Variants in CNTN4 observed in about 807,000 individuals in gnomAD.
CNTN4 encodes contactin 4.
In CNTN4, 77 loss-of-function variants were observed where a neutral mutation model predicts 122.5. The observed-to-expected ratio is 0.63, with a 90% CI of 0.52 to 0.76. The LOEUF is 0.76. Among genes scored for constraint, CNTN4 ranks in the 30% least tolerant of loss-of-function variants. The probability of loss-of-function intolerance (pLI) is 0.00; values close to 1 mark genes in which losing one functional copy is unlikely to be tolerated. For missense variants in CNTN4, 1,256 were observed against 1,259.1 expected (o/e 1.00, Z 0.04); for synonymous variants, 512 against 447.0 (o/e 1.15, Z -1.83).
chr3:2,945,328 T>C (rs1260005936), intron 13 of CNTN4, among the ~76,000 whole-genome samples: 1 of 152,208 alleles, frequency 6.6e-6, no homozygotes, highest in Non-Finnish European at 1.5e-5. Flanking sequence ...GTTCAAAGCA[T>C]AAGTTGTAAT....
Position 2,544,313 on chromosome 3 carries a change from T to C in CNTN4, c.-88-27103T>C, listed in dbSNP as rs2078152797. 1.3e-5 allele frequency among the ~76,000 whole-genome samples: 2 copies of C among 152,064 alleles called. 1 individual carries two copies. The highest frequency in any genetic ancestry group is 4.1e-4 in the South Asian group (2 of 4,822). On this transcript the variant is annotated intron_variant, in intron 3 of 24. Coordinates refer to ENST00000418658, the MANE Select transcript of CNTN4 (RefSeq NM_175607.3). ...AGAACATGGGAAGAAAGATTGTTCTTCTGCAATCATAAGCAGACTGTGGCC... is the reference window on the plus strand; with the variant it reads ...AGAACATGGGAAGAAAGATTGTTCTCCTGCAATCATAAGCAGACTGTGGCC...
At chr3:2,933,315 G>A (rs1277277152) in intron 13 of CNTN4, among the ~76,000 whole-genome samples, 2 of 152,120 alleles carry the variant, frequency 1.3e-5, no homozygotes, top group East Asian at 1.9e-4. Context: ...GAGATTCAAC[G>A]GAATTTGGTT....
chr3:2,356,569 A>C (rs539609658), intron 3 of CNTN4, among the ~76,000 whole-genome samples: 11 of 152,350 alleles, frequency 7.2e-5, no homozygotes, highest in African/African-American at 2.4e-4. Flanking sequence ...GGTGGATTTC[A>C]GCCAGCTTCT....
intron 2 of CNTN4, among the ~76,000 whole-genome samples, chr3:2,311,234 C>A (rs1364329532): frequency 2.0e-5 from 3 of 152,222 alleles, no homozygotes; most frequent in Non-Finnish European, 4.4e-5. Flanking sequence ...ATAGTCTCTT[C>A]AGAAAGTAAA....
At chr3:2,950,142 A>G (rs950246732) in intron 13 of CNTN4, among the ~76,000 whole-genome samples, 10 of 152,238 alleles carry the variant, frequency 6.6e-5, no homozygotes, top group African/African-American at 2.4e-4. Flanking sequence ...GACTCATGGA[A>G]TTAAAATGGA....
intron 14 of CNTN4, among the ~76,000 whole-genome samples, chr3:3,003,745 T>G (rs1387656025): frequency 3.3e-5 from 5 of 149,470 alleles, no homozygotes; most frequent in Non-Finnish European, 7.4e-5. Flanking sequence ...GTATACTTCT[T>G]AAATGTTTAT....
At chr3:2,183,436 C>G (rs987913202) in intron 2 of CNTN4, among the ~76,000 whole-genome samples, 1 of 152,092 alleles carries the variant, frequency 6.6e-6, no homozygotes, top group Non-Finnish European at 1.5e-5. Flanking sequence ...TCCAGTTTTC[C>G]TCTTTACTAA....
intron 4 of CNTN4, among the ~76,000 whole-genome samples, chr3:2,717,700 T>C (rs2087582984): frequency 6.6e-6 from 1 of 152,304 alleles, no homozygotes; most frequent in South Asian, 2.1e-4. Flanking sequence ...GATCAACTTT[T>C]TGAGCAACTG....
intron 3 of CNTN4, among the ~76,000 whole-genome samples, chr3:2,526,919 A>G (rs147633519): frequency 0.12 from 18,506 of 152,146 alleles, 1,401 homozygotes; most frequent in Middle Eastern, 0.18. Flanking sequence ...TTGCTTAGCC[A>G]CTGCCCAAAT....
chr3:2,401,396 T>A (rs995758555), intron 3 of CNTN4, among the ~76,000 whole-genome samples: 1 of 152,128 alleles, frequency 6.6e-6, no homozygotes, highest in Non-Finnish European at 1.5e-5. Context: ...CTGCTGACAT[T>A]CAGAAATCTC....
intron 6 of CNTN4, among the ~76,000 whole-genome samples, chr3:2,789,528 G>A (rs929055688): frequency 2.6e-5 from 4 of 152,168 alleles, no homozygotes; most frequent in East Asian, 1.9e-4. Flanking sequence ...CGCCTCCCGG[G>A]TTCAAGTGAT....
chr3:2,236,035 G>A (rs2039669107), intron 2 of CNTN4, among the ~76,000 whole-genome samples: 2 of 152,126 alleles, frequency 1.3e-5, no homozygotes, highest in African/African-American at 4.8e-5. Context: ...GGAAATTGAG[G>A]TTGGTCAAGT....
At chr3:2,375,948 C>T (rs1169101881) in intron 3 of CNTN4, among the ~76,000 whole-genome samples, 4 of 152,182 alleles carry the variant, frequency 2.6e-5, no homozygotes, top group African/African-American at 4.8e-5. Context: ...AAACCCTCTG[C>T]TGTTCTCTTT....
At chr3:2,547,085 G>A (rs968930306) in intron 3 of CNTN4, among the ~76,000 whole-genome samples, 2 of 151,868 alleles carry the variant, frequency 1.3e-5, no homozygotes, top group Non-Finnish European at 2.9e-5. Flanking sequence ...AAAATAAAGG[G>A]AATGAGAAAG....
At chr3:2,331,185 T>C (rs2043704812) in intron 2 of CNTN4, among the ~76,000 whole-genome samples, 2 of 152,200 alleles carry the variant, frequency 1.3e-5, no homozygotes, top group Non-Finnish European at 2.9e-5. Flanking sequence ...TTAGTTGAAA[T>C]TGAAGGGGCT....
intron 4 of CNTN4, among the ~76,000 whole-genome samples, chr3:2,711,299 A>G (rs2087135340): frequency 6.6e-6 from 1 of 152,202 alleles, no homozygotes; most frequent in Admixed American, 6.5e-5. Flanking sequence ...CAGTCAGCAC[A>G]TAGTGAGTTC....
At chr3:2,394,139 G>C (rs1238576852) in intron 3 of CNTN4, among the ~76,000 whole-genome samples, 4 of 151,710 alleles carry the variant, frequency 2.6e-5, no homozygotes, top group Admixed American at 6.6e-5. Context: ...ACATGAATTT[G>C]CAGAGTGTGT....
intron 2 of CNTN4, among the ~76,000 whole-genome samples, chr3:2,325,528 C>T (rs923479199): frequency 7.9e-5 from 12 of 152,186 alleles, no homozygotes; most frequent in African/African-American, 2.4e-4. Flanking sequence ...GTTCTTGCCA[C>T]GATGGCTTTT....
intron 2 of CNTN4, among the ~76,000 whole-genome samples, chr3:2,270,661 A>C (rs528146596): frequency 7.4e-6 from 1 of 134,686 alleles, no homozygotes; most frequent in Non-Finnish European, 1.7e-5. Context: ...AATATTGTTC[A>C]TTGTTGTCAT....
Sources: allele counts gnomAD v4.1 joint callset (sites outside exome capture counted in the v4.1 genomes callset), GRCh38; gene constraint gnomAD v4.1.1; transcripts MANE v1.5; gene names NCBI Gene and HGNC (gene_info 2026-07-23, HGNC 2026-07-21).